UBE4B: variants seen among roughly 807,000 people sequenced by gnomAD.
UBE4B encodes ubiquitination factor E4B.
In UBE4B, 27 loss-of-function variants were observed where a neutral mutation model predicts 148.1. That is an observed-to-expected ratio of 0.18 (90% CI 0.13 to 0.25). The LOEUF (loss-of-function observed/expected upper bound fraction) is 0.25. Among genes scored for constraint, UBE4B ranks in the 10% least tolerant of loss-of-function variants. The pLI is 1.00. For synonymous variants in UBE4B, 596 were observed against 619.3 expected (o/e 0.96, Z 0.56); for missense variants, 1,170 against 1,662.4 (o/e 0.70, Z 5.15).
At position 10,135,592 on chromosome 1, in the gene UBE4B, C is replaced by T. The variant is rs532083995; in HGVS notation, c.2224+406C>T. Among the ~76,000 whole-genome samples the T allele has an allele frequency of 8.6e-5, 13 of 151,720 alleles. No individual in the cohort carries two copies. In the South Asian group the frequency reaches 1.2e-3, roughly 15 times the overall value. On this transcript the variant is annotated intron_variant, in intron 16 of 27. Coordinates refer to ENST00000343090, the MANE Select transcript of UBE4B (RefSeq NM_001105562.3). ...TCTCTACTAAAAATACAAAAATTAG[C>T]GGGTGTGGTGGCACGCACCTGTAAT...
At chr1:10,109,378 G>A (rs190057878) in intron 7 of UBE4B, among the ~76,000 whole-genome samples, 15 of 152,236 alleles carry the variant, frequency 9.9e-5, no homozygotes, top group African/African-American at 2.4e-4. Context: ...TTGCTGCCGA[G>A]AGTCTGTGCA....
chr1:10,137,295 T>C, intron 17 of UBE4B, 90 bp downstream of exon 17: 1 of 1,538,430 alleles, frequency 6.5e-7, no homozygotes. Context: ...TAGTTTTGAA[T>C]GTTGGGGGAG....
At chr1:10,116,125 A>G (rs1225565669) in intron 7 of UBE4B, among the ~76,000 whole-genome samples, 1 of 152,080 alleles carries the variant, frequency 6.6e-6, no homozygotes, top group Non-Finnish European at 1.5e-5. Context: ...TGTCTCTCAC[A>G]TTCCTGATGT....
At chr1:10,160,475 G>T (rs1022180744) in intron 22 of UBE4B, among the ~76,000 whole-genome samples, 3 of 152,140 alleles carry the variant, frequency 2.0e-5, no homozygotes, top group Non-Finnish European at 2.9e-5. Context: ...GAAGCAGGGT[G>T]GGGGAGTCAG....
chr1:10,075,881 G>A (rs545441100), intron 2 of UBE4B, among the ~76,000 whole-genome samples: 5 of 152,070 alleles, frequency 3.3e-5, no homozygotes, highest in South Asian at 2.1e-4. Flanking sequence ...GCAAAACCCC[G>A]TCTCTACAAA....
rs1448580510 is a variant in UBE4B at position 10,095,511 on chromosome 1, T to G, written c.262T>G (p.Ser88Ala). ...TGAAGGAGTCAGTTCTCTCAGCAGC[T>G]CGCCCTCTAATAGCCTTGAAACGCA... ...SSEGVSSLSSSPSNSLETQSQ... is the reference protein window; with the variant it reads ...SSEGVSSLSSAPSNSLETQSQ... The change falls in exon 3 of 28, where the codon TCG (serine) becomes GCG (alanine). Residue 88 changes from serine to alanine, a missense_variant. By Grantham distance (99) the Ser-to-Ala change is moderately conservative. Around this residue, in one of 6 missense-constraint regions of UBE4B, gnomAD observed 127 missense variants for 153.2 expected, o/e 0.83. Coordinates refer to ENST00000343090, the MANE Select transcript of UBE4B (RefSeq NM_001105562.3). 6.2e-7 allele frequency: 1 copy of G among 1,614,048 alleles called. No homozygotes were observed. The highest frequency in any genetic ancestry group is 8.5e-7 in the Non-Finnish European group (1 of 1,180,042).
intron 16 of UBE4B, among the ~76,000 whole-genome samples, chr1:10,135,553 A>G (rs766168345): frequency 2.6e-5 from 4 of 152,068 alleles, no homozygotes; most frequent in Non-Finnish European, 5.9e-5. Context: ...CCTGATCACC[A>G]TGGTGAAACC....
In UBE4B at chr1:10,103,065, G is replaced by C. The variant is rs369303157; in HGVS notation, c.553G>C (p.Ala185Pro). The C allele has an allele frequency of 3.7e-6, 6 of 1,611,728 alleles. No individual in the cohort carries two copies. The highest frequency in any genetic ancestry group is 5.1e-6 in the Non-Finnish European group (6 of 1,179,184). The change falls in exon 5 of 28, where the codon GCA becomes CCA. Residue 185 changes from alanine to proline, a missense_variant. This residue lies in a region of UBE4B where 91 missense variants were observed against 120.5 expected (regional missense o/e 0.76). Coordinates refer to ENST00000343090, the MANE Select transcript of UBE4B (RefSeq NM_001105562.3). ...RDVIFLSSLSAQFKQNPKEVF... is the reference protein window; with the variant it reads ...RDVIFLSSLSPQFKQNPKEVF... The stretch of plus-strand genomic sequence containing the variant: ...TGTCATCTTTCTTTCTTCTCTTTCT[G>C]CACAGTTTAAGCAGAACCCAAAAGA...
Position 10,179,653 on chromosome 1 carries a change from A to G in UBE4B, c.3847+91A>G, listed in dbSNP as rs17034584. 872 of 1,568,354 alleles carry G rather than the reference A, an allele frequency of 5.6e-4. 9 individuals carry two copies. In the African/African-American group the frequency reaches 0.01, roughly 19 times the overall value. On this transcript the variant is annotated intron_variant, in intron 27 of 27. Coordinates refer to ENST00000343090, the MANE Select transcript of UBE4B (RefSeq NM_001105562.3). ...ATATTGGAGATGAAGCAGAAGGGAA[A>G]TTTATCAAATGCAGAAACTACCTAC...
chr1:10,054,049 A>G (rs1442554563), intron 1 of UBE4B, among the ~76,000 whole-genome samples: 1 of 152,110 alleles, frequency 6.6e-6, no homozygotes, highest in East Asian at 1.9e-4. Flanking sequence ...TTGGGGTAGT[A>G]ATTAGAAATA....
chr1:10,180,093 C>T lies in UBE4B; in HGVS notation c.*137C>T. On this transcript the variant is annotated 3_prime_UTR_variant, in exon 28 of 28. Coordinates refer to ENST00000343090, the MANE Select transcript of UBE4B (RefSeq NM_001105562.3). ...CAACCCCAGGCCCACCCAGAGCGAG[C>T]AAACGCTGAGACCTGAAAGGACATG... is the stretch of plus-strand genomic sequence containing the variant. 2.0e-6 allele frequency: 2 copies of T among 1,015,622 alleles called. No homozygotes were observed. Among genetic ancestry groups the T allele is most frequent in the Non-Finnish European group, 2.9e-6 (2 of 680,204 alleles). The allele number at this position is 1,015,622 out of a possible 1,614,324, so 62.9% of individuals were successfully genotyped here. A position where few individuals can be genotyped will look rare whatever the true frequency, so the allele number is the denominator to read the frequency against.
At chr1:10,075,492 A>G (rs1343829885) in intron 2 of UBE4B, among the ~76,000 whole-genome samples, 1 of 152,242 alleles carries the variant, frequency 6.6e-6, no homozygotes, top group Non-Finnish European at 1.5e-5. Context: ...CCACTAAAGC[A>G]TAAGTGCAAC....
chr1:10,115,020 C>A (rs977054905), intron 7 of UBE4B, among the ~76,000 whole-genome samples: 1 of 152,134 alleles, frequency 6.6e-6, no homozygotes, highest in Non-Finnish European at 1.5e-5. Context: ...GACTGCTTCT[C>A]AGCCTCATTG....
intron 20 of UBE4B, 73 bp from the exon 21 acceptor site, chr1:10,151,253 C>G: frequency 7.0e-7 from 1 of 1,420,864 alleles, no homozygotes; most frequent in Non-Finnish European, 9.8e-7. Context: ...TTACTGACAC[C>G]AGCCTTCACC....
At chr1:10,127,674 T>C (rs918721490) in intron 11 of UBE4B, among the ~76,000 whole-genome samples, 1 of 152,254 alleles carries the variant, frequency 6.6e-6, no homozygotes. Context: ...TGTATTTATT[T>C]CTTTTACTTA....
At chr1:10,169,589 G>A (rs982261968) in intron 24 of UBE4B, among the ~76,000 whole-genome samples, 1 of 152,244 alleles carries the variant, frequency 6.6e-6, no homozygotes, top group African/African-American at 2.4e-5. Flanking sequence ...CCAGACACTG[G>A]CCTCCCTTCA....
In UBE4B at chr1:10,150,444, G is replaced by A. The variant is rs1358540894; in HGVS notation, c.2691-882G>A. Among the ~76,000 whole-genome samples, 3 of 152,218 alleles carry A rather than the reference G, an allele frequency of 2.0e-5. No homozygotes were observed. In the East Asian group the frequency reaches 5.8e-4, roughly 29 times the overall value. On this transcript the variant is annotated intron_variant, in intron 20 of 27. Coordinates refer to ENST00000343090, the MANE Select transcript of UBE4B (RefSeq NM_001105562.3). ...AAAAAAAAACTATCAAAATTTTTAT[G>A]TTTTGGTAGTGATGATCTTTTGTGA...
In UBE4B at chr1:10,072,202, A is replaced by G. The variant is rs556030521; in HGVS notation, c.199A>G (p.Ile67Val). The G allele has an allele frequency of 1.2e-5, 20 of 1,612,978 alleles. No homozygotes were observed. The highest frequency in any genetic ancestry group is 1.5e-5 in the Non-Finnish European group (18 of 1,179,816). The change falls in exon 2 of 28, where the codon ATA (isoleucine) becomes GTA (valine). Residue 67 changes from isoleucine (I) to valine (V), a missense_variant. By Grantham distance (29) the Ile-to-Val change is conservative. Coordinates refer to ENST00000343090, the MANE Select transcript of UBE4B (RefSeq NM_001105562.3). ...CAACATGACCCCAGCTACCTCCCCA[A>G]TAGGTGCATCAGGTAAGCCCAAGCT... ...VHNMTPATSP[I>V]GASGVAHRSQ... is the part of the protein sequence containing the mutation.
intron 21 of UBE4B, among the ~76,000 whole-genome samples, chr1:10,155,173 A>G (rs186732501): frequency 6.6e-6 from 1 of 151,884 alleles, no homozygotes; most frequent in African/African-American, 2.4e-5. Context: ...TGCTGGGCCT[A>G]GTGGAGTCCT....
Sources: gnomAD v4.1 joint callset for allele counts (sites outside exome capture counted in the v4.1 genomes callset) on GRCh38, gnomAD v4.1.1 for gene constraint, gnomAD v4.1.1 regional missense constraint, MANE v1.5 for transcripts, NCBI Gene and HGNC (gene_info 2026-07-23, HGNC 2026-07-21) for gene names.